Variants in PRUNE2 observed in about 807,000 individuals in gnomAD.
The protein encoded by PRUNE2 is protein prune homolog 2.
In PRUNE2, 164 loss-of-function variants were observed where a neutral mutation model predicts 252.0. That is an observed-to-expected ratio of 0.65 (90% CI 0.57 to 0.74). PRUNE2 has a LOEUF of 0.74. Among genes scored for constraint, PRUNE2 ranks in the 30% least tolerant of loss-of-function variants. PRUNE2 has a pLI of 0.00. For missense variants in PRUNE2, 3,495 were observed against 3,711.0 expected, an observed-to-expected ratio of 0.94 and a Z score of 1.51; for synonymous variants, 1,292 against 1,350.2, an observed-to-expected ratio of 0.96 and a Z score of 0.94.
chr9:76,798,043 C>T (rs2056252149), intron 6 of PRUNE2, among the ~76,000 whole-genome samples: 8 of 152,154 alleles, frequency 5.3e-5, no homozygotes. Context: ...TTCCTTTTCT[C>T]CCCTCTCCCA....
intron 12 of PRUNE2, among the ~76,000 whole-genome samples, chr9:76,642,749 T>C (rs1588050561): frequency 6.6e-6 from 1 of 152,316 alleles, no homozygotes. Context: ...AAGACAAAGC[T>C]TTAGCAAATT....
chr9:76,704,365 C>G (rs1299496353), intron 8 of PRUNE2, among the ~76,000 whole-genome samples: 1 of 152,112 alleles, frequency 6.6e-6, no homozygotes, highest in African/African-American at 2.4e-5. Context: ...GCTGGGACTA[C>G]AGGCACCTGC....
intron 1 of PRUNE2, among the ~76,000 whole-genome samples, chr9:76,875,490 C>T (rs556583949): frequency 2.6e-5 from 4 of 152,158 alleles, no homozygotes; most frequent in South Asian, 2.1e-4. Context: ...CTCAGCCTCC[C>T]GAGTAGCTGG....
intron 17 of PRUNE2, among the ~76,000 whole-genome samples, chr9:76,622,057 C>T (rs764375078): frequency 8.5e-5 from 13 of 152,084 alleles, no homozygotes; most frequent in Non-Finnish European, 1.8e-4. Context: ...CATGGGATTT[C>T]GTGTTTTACC....
Position 76,718,044 on chromosome 9 carries a change from C to T in PRUNE2, c.757-4323G>A, listed in dbSNP as rs369049072. Among the ~76,000 whole-genome samples, 79 of 152,158 alleles carry T rather than the reference C, an allele frequency of 5.2e-4. 1 individual carries two copies. In the South Asian group the frequency reaches 0.016, roughly 30 times the overall value. ...AAAAGAAGTTGATGCTCATTATAAC[C>T]CAGAGGAGGAAAACAGAAATAATAC... On this transcript the variant is annotated intron_variant, in intron 6 of 18. Transcript: ENST00000376718.
intron 6 of PRUNE2, among the ~76,000 whole-genome samples, chr9:76,800,347 A>G (rs1654998352): frequency 6.6e-6 from 1 of 152,178 alleles, no homozygotes; most frequent in South Asian, 2.1e-4. Context: ...GATGGTTTCC[A>G]GCTTCATCCA....
At position 76,790,293 on chromosome 9, in the gene PRUNE2, T is replaced by G. The variant is rs2055427313; in HGVS notation, c.756+33339A>C. ...CATGCTAGCACATGGCCCAGTTTGT[T>G]GCAATAATGAATTAATCAATAGATT... On this transcript the variant is annotated intron_variant, in intron 6 of 18. Transcript: ENST00000376718. Among the ~76,000 whole-genome samples, 5 of 152,166 alleles carry G rather than the reference T, an allele frequency of 3.3e-5. No homozygotes were observed. The South Asian group carries it at 1.0e-3, about 32-fold the overall frequency.
chr9:76,895,716 G>A (rs892628523), intron 1 of PRUNE2, among the ~76,000 whole-genome samples: 2 of 152,096 alleles, frequency 1.3e-5, no homozygotes, highest in Non-Finnish European at 2.9e-5. Flanking sequence ...GCAGATATTT[G>A]GGATTATTTA....
chr9:76,905,667 G>A (rs2063449847), intron 1 of PRUNE2, among the ~76,000 whole-genome samples: 1 of 152,124 alleles, frequency 6.6e-6, no homozygotes. Context: ...GACCGAAGCT[G>A]GACTGAAGCG....
intron 1 of PRUNE2, among the ~76,000 whole-genome samples, chr9:76,867,315 G>A (rs538928705): frequency 6.6e-6 from 1 of 151,506 alleles, no homozygotes; most frequent in Admixed American, 6.6e-5. Flanking sequence ...TGACACCATG[G>A]GTACCCAACA....
intron 11 of PRUNE2, among the ~76,000 whole-genome samples, chr9:76,650,301 A>T (rs557359): frequency 6.7e-6 from 1 of 149,848 alleles, no homozygotes; most frequent in Non-Finnish European, 1.5e-5. Context: ...ATAATGAAAC[A>T]TATATAATGA....
intron 4 of PRUNE2, among the ~76,000 whole-genome samples, chr9:76,827,154 A>T (rs2058390913): frequency 1.3e-5 from 2 of 152,200 alleles, no homozygotes; most frequent in South Asian, 4.1e-4. Context: ...TCCACTCATT[A>T]TATTATTAAT....
intron 6 of PRUNE2, among the ~76,000 whole-genome samples, chr9:76,819,031 G>A (rs1196398821): frequency 1.3e-5 from 2 of 152,062 alleles, no homozygotes; most frequent in African/African-American, 2.4e-5. Flanking sequence ...CGAGTTGATC[G>A]TTTGAGCCCA....
chr9:76,884,256 G>A (rs1424950534), intron 1 of PRUNE2, among the ~76,000 whole-genome samples: 1 of 152,088 alleles, frequency 6.6e-6, no homozygotes, highest in Non-Finnish European at 1.5e-5. Context: ...CTAGAGCTAA[G>A]GAAATTTACA....
intron 4 of PRUNE2, among the ~76,000 whole-genome samples, chr9:76,831,537 C>T (rs2058676939): frequency 6.6e-6 from 1 of 151,678 alleles, no homozygotes; most frequent in South Asian, 2.1e-4. Flanking sequence ...TAGTAACAAA[C>T]TGAGGAGAGG....
At chr9:76,621,369 T>G (rs1587709888) in intron 17 of PRUNE2, among the ~76,000 whole-genome samples, 1 of 152,322 alleles carries the variant, frequency 6.6e-6, no homozygotes, top group East Asian at 1.9e-4. Flanking sequence ...GCCGAGATGG[T>G]GGGATTCTAA....
intron 9 of PRUNE2, among the ~76,000 whole-genome samples, chr9:76,658,685 A>G (rs1299227300): frequency 6.6e-6 from 1 of 152,190 alleles, no homozygotes; most frequent in East Asian, 1.9e-4. Context: ...GTTTCTTTAT[A>G]CAGAATGGAG....
chr9:76,628,548 A>G (rs1212779374), intron 16 of PRUNE2, among the ~76,000 whole-genome samples: 1 of 144,702 alleles, frequency 6.9e-6, no homozygotes, highest in African/African-American at 2.5e-5. Flanking sequence ...GTGTCTGTGC[A>G]GAGTGGGGGA....
chr9:76,822,276 T>C (rs1204836053), intron 6 of PRUNE2, among the ~76,000 whole-genome samples: 4 of 152,226 alleles, frequency 2.6e-5, no homozygotes, highest in African/African-American at 9.6e-5. Context: ...GTGCATACAA[T>C]GAGAACATGC....
Sources: gnomAD v4.1 joint callset for allele counts (sites outside exome capture counted in the v4.1 genomes callset) on GRCh38, gnomAD v4.1.1 for gene constraint, MANE v1.5 for transcripts, NCBI Gene and HGNC (gene_info 2026-07-23, HGNC 2026-07-21) for gene names.